Variants in ATP10B observed in about 807,000 individuals in gnomAD.
ATP10B encodes ATPase phospholipid transporting 10B (putative).
Under a neutral mutation model 141.2 loss-of-function variants are expected in ATP10B, and 122 were observed. The ratio of observed to expected loss-of-function variants is 0.86; its 90% CI spans 0.75 to 1.00. ATP10B has a LOEUF of 1.00. Ranked by LOEUF, ATP10B falls within the 50% of genes least tolerant of loss-of-function variation. The pLI is 0.00. For synonymous variants in ATP10B, 685 were observed against 692.0 expected (o/e 0.99, Z 0.16); for missense variants, 1,876 against 1,825.3 (o/e 1.03, Z -0.51).
chr5:160,673,533 G>GTTTTTTT (rs34256429), intron 6 of ATP10B, among the ~76,000 whole-genome samples: 2 of 150,112 alleles, frequency 1.3e-5, no homozygotes, highest in Non-Finnish European at 3.0e-5. Flanking sequence ...ATTTTGTTTT[G>GTTTTTTT]TTTTTTTTTT....
At chr5:160,703,617 C>T (rs1219184150) in intron 3 of ATP10B, among the ~76,000 whole-genome samples, 1 of 150,038 alleles carries the variant, frequency 6.7e-6, no homozygotes, top group Non-Finnish European at 1.5e-5. Flanking sequence ...GCTGGGGCTA[C>T]AGGCACCTGG....
chr5:160,897,220 G>T, the ATP10B span, among the ~76,000 whole-genome samples: 1 of 152,154 alleles, frequency 6.6e-6, no homozygotes, highest in Non-Finnish European at 1.5e-5. Flanking sequence ...AAGAAATAAA[G>T]CATATTCAAA....
chr5:160,714,868 C>T (rs1395168980), intron 3 of ATP10B, among the ~76,000 whole-genome samples: 5 of 147,150 alleles, frequency 3.4e-5, no homozygotes, highest in Admixed American at 1.3e-4. Context: ...GTTGGAATAC[C>T]CTGCCGTGTG....
chr5:160,624,331 C>G (rs1317975341), intron 13 of ATP10B, among the ~76,000 whole-genome samples: 10 of 152,196 alleles, frequency 6.6e-5, no homozygotes, highest in African/African-American at 2.4e-4. Flanking sequence ...GGAGGAAACT[C>G]AGACATACCC....
intron 1 of ATP10B, among the ~76,000 whole-genome samples, chr5:160,847,741 G>T (rs1776214633): frequency 6.6e-6 from 1 of 152,126 alleles, no homozygotes; most frequent in Non-Finnish European, 1.5e-5. Context: ...ATAAATGAAT[G>T]CATCAGCAAT....
the ATP10B span, among the ~76,000 whole-genome samples, chr5:160,925,478 A>G: frequency 6.6e-6 from 1 of 152,236 alleles, no homozygotes; most frequent in Non-Finnish European, 1.5e-5. Context: ...ACAGCTAGCA[A>G]CTGGCAGTGC....
intron 1 of ATP10B, among the ~76,000 whole-genome samples, chr5:160,833,216 G>T (rs1180213785): frequency 1.3e-5 from 2 of 152,166 alleles, no homozygotes; most frequent in African/African-American, 2.4e-5. Context: ...TAAGAGGAGA[G>T]AGCAAGAGAA....
intron 1 of ATP10B, among the ~76,000 whole-genome samples, chr5:160,826,045 A>C (rs1774578146): frequency 6.6e-6 from 1 of 152,110 alleles, no homozygotes; most frequent in Admixed American, 6.5e-5. Flanking sequence ...CATTTTCTTT[A>C]TCCTGTTCAT....
Position 160,636,291 on chromosome 5 carries a change from C to T in ATP10B, c.1019G>A (p.Gly340Glu), listed in dbSNP as rs778283918. 6.2e-7 allele frequency: 1 copy of T among 1,613,012 alleles called. No homozygotes were observed. Among genetic ancestry groups the T allele is most frequent in the Non-Finnish European group, 8.5e-7 (1 of 1,179,476 alleles). Residue 340 changes from glycine to glutamate, a missense_variant, in exon 11 of 26, where the codon GGG (glycine) becomes GAG (glutamate). Physicochemically the swap from Gly to Glu is moderately conservative, Grantham distance 98. Coordinates refer to ENST00000327245, the MANE Select transcript of ATP10B (RefSeq NM_025153.3). The part of the protein sequence containing the change: ...IGAVGHSIWN[G>E]TFEEHPPFDV... ...GAAGGGAGGGTGTTCTTCAAAGGTCCCATTCCAGATGCTGTGACCTGAGAG... is the reference window on the plus strand; with the variant it reads ...GAAGGGAGGGTGTTCTTCAAAGGTCTCATTCCAGATGCTGTGACCTGAGAG...
chr5:160,603,325 A>G (rs1757201643), intron 20 of ATP10B: 2 of 154,380 alleles, frequency 1.3e-5, no homozygotes, highest in Non-Finnish European at 2.9e-5. Context: ...GGGTGTGATG[A>G]TTATTAAAAT....
At chr5:160,571,684 A>ATG (rs759909968) in intron 24 of ATP10B, among the ~76,000 whole-genome samples, 11 of 151,880 alleles carry the variant, frequency 7.2e-5, no homozygotes, top group Non-Finnish European at 1.6e-4. Context: ...CTGCATATGC[A>ATG]TGTGTGTGTG....
At chr5:160,927,074 A>G in the ATP10B span, among the ~76,000 whole-genome samples, 1 of 152,254 alleles carries the variant, frequency 6.6e-6, no homozygotes, top group South Asian at 2.1e-4. Flanking sequence ...AGGGAACAAC[A>G]TAAGAAATGC....
chr5:160,919,583 C>T, the ATP10B span, among the ~76,000 whole-genome samples: 1 of 152,164 alleles, frequency 6.6e-6, no homozygotes, highest in Non-Finnish European at 1.5e-5. Context: ...GAGTTTTAAA[C>T]AGGTTCAGAT....
intron 2 of ATP10B, among the ~76,000 whole-genome samples, chr5:160,783,425 C>T (rs1770878262): frequency 3.7e-5 from 3 of 81,058 alleles, no homozygotes; most frequent in Admixed American, 1.5e-4. Flanking sequence ...TGGATATATC[C>T]ATGGATAGAT....
intron 2 of ATP10B, among the ~76,000 whole-genome samples, chr5:160,719,601 G>A (rs1216991620): frequency 6.6e-6 from 1 of 152,194 alleles, no homozygotes. Flanking sequence ...GGACTGGAAT[G>A]GCATAGGACA....
intron 7 of ATP10B, among the ~76,000 whole-genome samples, chr5:160,650,082 C>T (rs1029728696): frequency 8.6e-5 from 13 of 150,756 alleles, no homozygotes; most frequent in African/African-American, 3.2e-4. Flanking sequence ...GCACTCTAGC[C>T]TGGCAGAGCA....
At chr5:160,642,994 T>C (rs76342459) in intron 9 of ATP10B, among the ~76,000 whole-genome samples, 5,761 of 151,686 alleles carry the variant, frequency 0.038, 120 homozygotes, top group African/African-American at 0.065. Context: ...ATCTATGTGA[T>C]TATGATTACC....
the ATP10B span, among the ~76,000 whole-genome samples, chr5:160,915,716 C>T: frequency 6.6e-6 from 1 of 152,126 alleles, no homozygotes; most frequent in Non-Finnish European, 1.5e-5. Flanking sequence ...AGATTAGTGG[C>T]TTTCACATGA....
At chr5:160,653,597 A>AT (rs1290151398) in intron 7 of ATP10B, among the ~76,000 whole-genome samples, 4 of 105,192 alleles carry the variant, frequency 3.8e-5, no homozygotes, top group Admixed American at 2.2e-4. Flanking sequence ...ATACATATAT[A>AT]CATATATACA....
Sources: gnomAD v4.1 joint callset for allele counts (sites outside exome capture counted in the v4.1 genomes callset) on GRCh38, gnomAD v4.1.1 for gene constraint, MANE v1.5 for transcripts, NCBI Gene and HGNC (gene_info 2026-07-23, HGNC 2026-07-21) for gene names.